Variants in SLC7A2 observed in about 807,000 individuals in gnomAD.
SLC7A2 encodes the protein cationic amino acid transporter 2.
SLC7A2 carries 48 observed loss-of-function variants against 58.9 expected under a neutral mutation model. The observed-to-expected ratio is 0.82, with a 90% CI of 0.65 to 1.04. SLC7A2 has a LOEUF of 1.04. Among genes scored for constraint, SLC7A2 ranks in the 50% least tolerant of loss-of-function variants. The pLI, the probability that SLC7A2 is intolerant of heterozygous loss-of-function variation, is 0.00. For missense variants in SLC7A2, 1,029 were observed against 818.8 expected (o/e 1.26, Z -3.13); for synonymous variants, 363 against 314.5 (o/e 1.15, Z -1.63).
At position 17,543,396 on chromosome 8, in the gene SLC7A2, C is replaced by G; in HGVS notation, c.57C>G (p.Ile19Met). The change falls in exon 3 of 13, where the codon ATC becomes ATG. Residue 19 changes from isoleucine to methionine, a missense_variant. By Grantham distance (10) the Ile-to-Met change is conservative. Transcript: ENST00000494857. The stretch of plus-strand genomic sequence containing the variant: ...CCCGATGTCTGATCCGGAGAAAAAT[C>G]GTGACCCTGGACAGTCTAGAAGACA... ...TFARCLIRRK[I>M]VTLDSLEDTK... 6.2e-7 allele frequency: 1 copy of G among 1,614,152 alleles called. No individual in the cohort carries two copies. The highest frequency in any genetic ancestry group is 1.1e-5 in the South Asian group (1 of 91,080).
chr8:17,543,850 T>G, intron 3 of SLC7A2, 135 bp downstream of exon 3: 2 of 699,258 alleles, frequency 2.9e-6, no homozygotes, highest in Non-Finnish European at 4.1e-6. Flanking sequence ...ATCTCGAAAA[T>G]GTCTCCTTCT....
chr8:17,494,610 A>G (rs1170850896), upstream of SLC7A2, among the ~76,000 whole-genome samples: 3 of 152,210 alleles, frequency 2.0e-5, no homozygotes, highest in African/African-American at 4.8e-5. Flanking sequence ...CAAATATTTC[A>G]TTTCTAAAAA....
intron 8 of SLC7A2, chr8:17,555,118 A>G: frequency 2.5e-6 from 4 of 1,605,356 alleles, no homozygotes; most frequent in Non-Finnish European, 3.4e-6. Context: ...TGAGCATTAG[A>G]CTGGAACATT....
Position 17,570,512 on chromosome 8 carries a change from T to G in SLC7A2, c.*5366T>G, listed in dbSNP as rs1170440981. 6.6e-6 allele frequency: 1 copy of G among 152,464 alleles called. No homozygotes were observed. The highest frequency in any genetic ancestry group is 1.9e-4 in the East Asian group (1 of 5,204). The allele number at this position is 152,464 out of a possible 1,614,324, so 9.4% of individuals were successfully genotyped here. ...AATAAAAACTGCTGCTTTACCACTG[T>G]AAAATATGCTTTCTGATGTGGTGTA... On this transcript the variant is annotated 3_prime_UTR_variant, in exon 13 of 13. Transcript: ENST00000494857.
intron 2 of SLC7A2, among the ~76,000 whole-genome samples, chr8:17,506,259 G>T (rs1305086531): frequency 6.6e-6 from 1 of 152,144 alleles, no homozygotes; most frequent in Non-Finnish European, 1.5e-5. Flanking sequence ...GCTGGTGCCT[G>T]CTTTAAACTC....
intron 9 of SLC7A2, among the ~76,000 whole-genome samples, chr8:17,559,729 G>A (rs1202570110): frequency 1.3e-4 from 20 of 152,200 alleles, no homozygotes; most frequent in Admixed American, 1.3e-3. Context: ...AATTCAAGGT[G>A]AGATTTGGGT....
At chr8:17,562,315 C>G (rs1332706677) in intron 11 of SLC7A2, among the ~76,000 whole-genome samples, 1 of 149,936 alleles carries the variant, frequency 6.7e-6, no homozygotes. Context: ...AAGCACTTCT[C>G]CTGCCTCGGA....
chr8:17,515,439 G>A (rs1208411899), intron 2 of SLC7A2, among the ~76,000 whole-genome samples: 1 of 152,054 alleles, frequency 6.6e-6, no homozygotes, highest in Non-Finnish European at 1.5e-5. Flanking sequence ...GGGATTACAG[G>A]CACATGCCAC....
At chr8:17,519,796 C>T (rs749502689) in intron 2 of SLC7A2, among the ~76,000 whole-genome samples, 7 of 152,114 alleles carry the variant, frequency 4.6e-5, no homozygotes, top group Admixed American at 3.3e-4. Flanking sequence ...TAAATATTCA[C>T]ATTCATCTTG....
At chr8:17,501,820 G>C (rs972398948) in intron 1 of SLC7A2, among the ~76,000 whole-genome samples, 1 of 151,590 alleles carries the variant, frequency 6.6e-6, no homozygotes, top group Non-Finnish European at 1.5e-5. Context: ...GCCTAATCTG[G>C]GATTCAGTAT....
intron 2 of SLC7A2, among the ~76,000 whole-genome samples, chr8:17,513,169 A>G (rs1800672980): frequency 6.6e-6 from 1 of 152,154 alleles, no homozygotes; most frequent in African/African-American, 2.4e-5. Context: ...TTGGTCATAT[A>G]ACCAGTAGTA....
At chr8:17,548,912 T>C (rs1227972157) in intron 5 of SLC7A2, 69 bp downstream of exon 5, 1 of 1,254,154 alleles carries the variant, frequency 8.0e-7, no homozygotes, top group Non-Finnish European at 1.1e-6. Context: ...GTGTATTAGT[T>C]CATTTTTACT....
chr8:17,495,348 A>T (rs77150961), upstream of SLC7A2, among the ~76,000 whole-genome samples: 2,796 of 152,246 alleles, frequency 0.018, 149 homozygotes, highest in East Asian at 0.13. Context: ...AACGCCTCCT[A>T]GCCGTGGGAT....
At chr8:17,539,968 A>C (rs905695780) in intron 2 of SLC7A2, among the ~76,000 whole-genome samples, 1 of 152,140 alleles carries the variant, frequency 6.6e-6, no homozygotes, top group African/African-American at 2.4e-5. Flanking sequence ...AGTTATAAAA[A>C]CTTCAAAGAT....
upstream of SLC7A2, among the ~76,000 whole-genome samples, chr8:17,495,036 C>A (rs1016755293): frequency 6.6e-6 from 1 of 152,184 alleles, no homozygotes; most frequent in Non-Finnish European, 1.5e-5. Context: ...TGTGTTGTAA[C>A]TTAATCACAA....
chr8:17,541,900 T>C (rs1287914477), intron 2 of SLC7A2, among the ~76,000 whole-genome samples: 1 of 152,236 alleles, frequency 6.6e-6, no homozygotes, highest in East Asian at 1.9e-4. Context: ...CACCTTGTTT[T>C]ATAACCTGAT....
chr8:17,506,378 T>A (rs528613228), intron 2 of SLC7A2, among the ~76,000 whole-genome samples: 2 of 152,236 alleles, frequency 1.3e-5, no homozygotes, highest in South Asian at 4.1e-4. Flanking sequence ...TTTGGTTATA[T>A]CACTATAAAA....
chr8:17,520,179 C>T (rs1032158386), intron 2 of SLC7A2, among the ~76,000 whole-genome samples: 2 of 152,190 alleles, frequency 1.3e-5, no homozygotes, highest in Middle Eastern at 3.4e-3. Context: ...CAATTGCAAA[C>T]ATGTTTTAGG....
intron 2 of SLC7A2, among the ~76,000 whole-genome samples, chr8:17,526,611 G>A (rs1801232512): frequency 6.6e-6 from 1 of 152,134 alleles, no homozygotes; most frequent in African/African-American, 2.4e-5. Flanking sequence ...CCTGAAGTAT[G>A]AGGAAGAGAG....
Sources: allele counts gnomAD v4.1 joint callset (sites outside exome capture counted in the v4.1 genomes callset), GRCh38; gene constraint gnomAD v4.1.1; transcripts MANE v1.5; gene names NCBI Gene and HGNC (gene_info 2026-07-23, HGNC 2026-07-21).